Variants in TNR observed in about 807,000 individuals in gnomAD.
The protein encoded by TNR is tenascin R, also known as tenascin-R.
In TNR, 45 loss-of-function variants were observed where a neutral mutation model predicts 150.4. The observed-to-expected ratio is 0.30, with a 90% confidence interval of 0.24 to 0.38. The LOEUF is 0.38. TNR is among the 10% of genes least tolerant of loss of function. The probability of loss-of-function intolerance (pLI) is 1.00; values close to 1 mark genes in which losing one functional copy is unlikely to be tolerated. For synonymous variants in TNR, 687 were observed against 678.4 expected, an observed-to-expected ratio of 1.01 and a Z score of -0.20; for missense variants, 1,544 against 1,759.1, an observed-to-expected ratio of 0.88 and a Z score of 2.19.
At chr1:175,337,941 C>A (rs1650329007) in intron 18 of TNR, among the ~76,000 whole-genome samples, 3 of 152,306 alleles carry the variant, frequency 2.0e-5, no homozygotes, top group African/African-American at 7.2e-5. Flanking sequence ...CTAGCTCCAC[C>A]AGTTACCTAT....
Position 175,365,925 on chromosome 1 carries a change from G to A in TNR, c.2267C>T (p.Ala756Val). The change falls in exon 11 of 23, where the codon GCT becomes GTT. Residue 756 changes from alanine (A) to valine (V), a missense_variant. By Grantham distance (64) the Ala-to-Val change is moderately conservative (BLOSUM62 0). Around this residue, in one of 2 missense-constraint regions of TNR, gnomAD observed 1,254 missense variants for 1,329.4 expected, o/e 0.94. Transcript: ENST00000367674. Reference sequence around the variant, plus strand: ...CAAGCTCTGCTGCCGACCCCTCTCAGCAGTGACGGAAATGATGTACTCTGC... The same window carrying A: ...CAAGCTCTGCTGCCGACCCCTCTCAACAGTGACGGAAATGATGTACTCTGC... ...PGAEYIISVT[A>V]ERGRQQSLES... is the part of the protein sequence containing the mutation. The A allele has an allele frequency of 6.2e-7, 1 of 1,614,100 alleles. No individual in the cohort carries two copies. Among genetic ancestry groups the A allele is most frequent in the Non-Finnish European group, 8.5e-7 (1 of 1,179,980 alleles).
At chr1:175,609,881 AC>A (rs1479814147) in intron 1 of TNR, among the ~76,000 whole-genome samples, 6 of 152,212 alleles carry the variant, frequency 3.9e-5, no homozygotes. Flanking sequence ...ATAAAAAGCC[AC>A]TCAACTGAGA....
At chr1:175,391,215 CT>C (rs1195010565) in intron 7 of TNR, 72 bp downstream of exon 7, 1 of 1,566,292 alleles carries the variant, frequency 6.4e-7, no homozygotes, top group African/African-American at 1.4e-5. Flanking sequence ...CTCTCCACTC[CT>C]TGGGCAATTC....
intron 1 of TNR, among the ~76,000 whole-genome samples, chr1:175,669,609 A>G (rs1433044210): frequency 1.3e-5 from 2 of 152,192 alleles, no homozygotes; most frequent in Non-Finnish European, 2.9e-5. Flanking sequence ...AGGTTTTGCA[A>G]AAAGGCCCTA....
intron 1 of TNR, among the ~76,000 whole-genome samples, chr1:175,597,039 T>C (rs1297070654): frequency 6.6e-6 from 1 of 152,240 alleles, no homozygotes; most frequent in African/African-American, 2.4e-5. Context: ...CCACTTGCTT[T>C]TAACTACAGT....
At chr1:175,452,533 G>A (rs910012404) in intron 2 of TNR, among the ~76,000 whole-genome samples, 2 of 152,228 alleles carry the variant, frequency 1.3e-5, no homozygotes, top group Non-Finnish European at 2.9e-5. Context: ...AAGATTTGGT[G>A]CAAAGGCCCT....
chr1:175,616,724 C>T (rs1663789397), intron 1 of TNR, among the ~76,000 whole-genome samples: 3 of 152,100 alleles, frequency 2.0e-5, no homozygotes, highest in Admixed American at 2.0e-4. Flanking sequence ...GCATGAGGAG[C>T]ATAGGAAAGA....
intron 2 of TNR, among the ~76,000 whole-genome samples, chr1:175,458,256 CTGT>C (rs955679330): frequency 2.0e-5 from 3 of 152,154 alleles, no homozygotes. Context: ...GTTATGATTA[CTGT>C]GTAAACCATT....
chr1:175,534,685 G>C (rs1270819961), intron 1 of TNR, among the ~76,000 whole-genome samples: 1 of 152,226 alleles, frequency 6.6e-6, no homozygotes, highest in Non-Finnish European at 1.5e-5. Context: ...TGGTACTAGA[G>C]GGGCTGCAGG....
chr1:175,659,802 C>A (rs1266009505), intron 1 of TNR, among the ~76,000 whole-genome samples: 1 of 152,074 alleles, frequency 6.6e-6, no homozygotes, highest in Non-Finnish European at 1.5e-5. Context: ...CAGGATCAGG[C>A]CACTGGGATA....
chr1:175,342,402 T>C (rs1036703722), intron 18 of TNR, among the ~76,000 whole-genome samples: 2 of 152,124 alleles, frequency 1.3e-5, no homozygotes, highest in Admixed American at 1.3e-4. Flanking sequence ...ACGGCCCCTT[T>C]GAGAAGTTGA....
chr1:175,480,475 G>T (rs1046416680), intron 2 of TNR, among the ~76,000 whole-genome samples: 1 of 150,342 alleles, frequency 6.7e-6, no homozygotes, highest in African/African-American at 2.5e-5. Flanking sequence ...AAAAAGAAAA[G>T]AAAAGAAAAA....
At chr1:175,617,863 T>C (rs1326768712) in intron 1 of TNR, among the ~76,000 whole-genome samples, 2 of 152,180 alleles carry the variant, frequency 1.3e-5, no homozygotes, top group Non-Finnish European at 2.9e-5. Context: ...CTTTTCAAAG[T>C]AGTTTTCATT....
chr1:175,456,746 A>G (rs1420635818), intron 2 of TNR, among the ~76,000 whole-genome samples: 1 of 152,198 alleles, frequency 6.6e-6, no homozygotes, highest in Non-Finnish European at 1.5e-5. Context: ...ATCTCTTAGT[A>G]TCATAAATTA....
At chr1:175,512,476 T>C (rs1271702313) in intron 2 of TNR, among the ~76,000 whole-genome samples, 1 of 152,222 alleles carries the variant, frequency 6.6e-6, no homozygotes, top group African/African-American at 2.4e-5. Context: ...GATGACTTCT[T>C]TCCTCTAGAA....
At chr1:175,398,390 G>T (rs1328917318) in intron 4 of TNR, among the ~76,000 whole-genome samples, 2 of 152,058 alleles carry the variant, frequency 1.3e-5, no homozygotes, top group African/African-American at 4.8e-5. Context: ...AAGTGTAAAC[G>T]AAATTTAAAT....
At chr1:175,406,806 C>T in intron 2 of TNR, 29 bp from the exon 3 acceptor site, 1 of 1,508,222 alleles carries the variant, frequency 6.6e-7, no homozygotes, top group Non-Finnish European at 9.0e-7. Context: ...AAAGAGACAA[C>T]CTCTGAGACC....
chr1:175,456,303 G>A (rs759852752), intron 2 of TNR, among the ~76,000 whole-genome samples: 1 of 152,100 alleles, frequency 6.6e-6, no homozygotes, highest in African/African-American at 2.4e-5. Flanking sequence ...TATTTAAAGC[G>A]GACTCTTCCC....
intron 1 of TNR, among the ~76,000 whole-genome samples, chr1:175,582,437 A>T (rs1341396948): frequency 6.6e-6 from 1 of 152,240 alleles, no homozygotes; most frequent in East Asian, 1.9e-4. Context: ...ATGTAAAGAC[A>T]GTTGCACCAT....
Sources: allele counts gnomAD v4.1 joint callset (sites outside exome capture counted in the v4.1 genomes callset), GRCh38; gene constraint gnomAD v4.1.1; regional missense constraint gnomAD v4.1.1; transcripts MANE v1.5; gene names NCBI Gene and HGNC (gene_info 2026-07-23, HGNC 2026-07-21).